Variants in XPR1 observed in about 807,000 individuals in gnomAD.
XPR1 encodes the protein xenotropic and polytropic retrovirus receptor 1.
XPR1 carries 28 observed loss-of-function variants against 87.5 expected under a neutral mutation model. The ratio of observed to expected loss-of-function variants is 0.32; its 90% CI spans 0.24 to 0.44. XPR1 has a LOEUF of 0.44. Ranked by LOEUF, XPR1 falls within the 20% of genes least tolerant of loss-of-function variation. XPR1 has a pLI of 1.00. For synonymous variants in XPR1, 300 were observed against 306.1 expected (o/e 0.98, Z 0.21); for missense variants, 559 against 862.3 (o/e 0.65, Z 4.41).
At chr1:180,710,975 G>T (rs1391111633) in intron 2 of XPR1, among the ~76,000 whole-genome samples, 1 of 151,504 alleles carries the variant, frequency 6.6e-6, no homozygotes, top group South Asian at 2.1e-4. Flanking sequence ...CTTCCCAGAC[G>T]GGGTGGCTGC....
chr1:180,836,382 A>C, intron 10 of XPR1, 140 bp from the exon 11 acceptor site: 1 of 878,686 alleles, frequency 1.1e-6, no homozygotes. Context: ...AATCTTGAGA[A>C]TATAATAGTT....
chr1:180,744,851 C>T (rs1659036160), intron 2 of XPR1, among the ~76,000 whole-genome samples: 1 of 151,712 alleles, frequency 6.6e-6, no homozygotes, highest in Non-Finnish European at 1.5e-5. Flanking sequence ...CGGGGTTTCA[C>T]CGTGTTAGCC....
chr1:180,651,161 A>G (rs2101904178), intron 1 of XPR1, among the ~76,000 whole-genome samples: 1 of 150,016 alleles, frequency 6.7e-6, no homozygotes, highest in Middle Eastern at 3.4e-3. Context: ...GCTGGATCTC[A>G]GCTCACTGCA....
chr1:180,740,362 T>C (rs993195299), intron 2 of XPR1, among the ~76,000 whole-genome samples: 1 of 152,122 alleles, frequency 6.6e-6, no homozygotes, highest in Admixed American at 6.6e-5. Flanking sequence ...TGCTGAGAGA[T>C]TTTATTGTTG....
chr1:180,742,694 G>C (rs1003675258), intron 2 of XPR1, among the ~76,000 whole-genome samples: 1 of 152,052 alleles, frequency 6.6e-6, no homozygotes, highest in Non-Finnish European at 1.5e-5. Context: ...CTGATTTGCT[G>C]TCTACTTATA....
chr1:180,739,926 G>C (rs1364257253), intron 2 of XPR1, among the ~76,000 whole-genome samples: 1 of 151,970 alleles, frequency 6.6e-6, no homozygotes, highest in Non-Finnish European at 1.5e-5. Flanking sequence ...TGGCCAGGCT[G>C]GTCTGGAACT....
In XPR1 at chr1:180,659,193, TCTTCCTTCCTTCCTTC is replaced by T. The variant is rs550840483; in HGVS notation, c.70-23124_70-23109del. Reference sequence around the variant, plus strand: ...ACTAGGGATATTGGCCTGTAGTCAGTCTTCCTTCCTTCCTTCCTTCCTTCCTTCCTTCCTTCCTTCC... The same window carrying T: ...ACTAGGGATATTGGCCTGTAGTCAGTCTTCCTTCCTTCCTTCCTTCCTTCC... On this transcript the variant is annotated intron_variant, in intron 1 of 14. Coordinates refer to ENST00000367590, the MANE Select transcript of XPR1 (RefSeq NM_004736.4). 3.7e-3 allele frequency among the ~76,000 whole-genome samples: 293 copies of T among 79,884 alleles called. 4 individuals are homozygous for T. The highest frequency in any genetic ancestry group is 4.0e-3 in the African/African-American group (73 of 18,452). The allele number at this position is 79,884 out of a possible 152,430, so 52.4% of individuals were successfully genotyped here.
At chr1:180,739,854 T>A (rs1326107249) in intron 2 of XPR1, among the ~76,000 whole-genome samples, 5 of 151,986 alleles carry the variant, frequency 3.3e-5, no homozygotes. Context: ...GATTCTCCCA[T>A]CTTAGCCTCC....
At position 180,727,454 on chromosome 1, in the gene XPR1, G is replaced by A. The variant is rs549718854; in HGVS notation, c.121+45043G>A. Among the ~76,000 whole-genome samples the A allele has an allele frequency of 2.6e-5, 4 of 152,164 alleles. No homozygotes were observed. The South Asian group carries it at 8.3e-4, about 32-fold the overall frequency. ...AGGTCAGGAGTTCGAGACCAGCCTG[G>A]CCAACATGGTGAAACCCTGCCTCTA... On this transcript the variant is annotated intron_variant, in intron 2 of 14. Transcript: ENST00000367590.
intron 1 of XPR1, among the ~76,000 whole-genome samples, chr1:180,667,055 A>G (rs570414078): frequency 6.6e-6 from 1 of 152,190 alleles, no homozygotes; most frequent in African/African-American, 2.4e-5. Context: ...TGCTGGAACT[A>G]CAGGTGCATG....
At position 180,884,230 on chromosome 1, in the gene XPR1, G is replaced by A; in HGVS notation, c.*164G>A. ...CCTATGGACTCCAAACAAGCTCACT[G>A]TGTTTCTTTTCTTTTCTTCTGGTTT... On this transcript the variant is annotated 3_prime_UTR_variant, in exon 15 of 15. Coordinates refer to ENST00000367590, the MANE Select transcript of XPR1 (RefSeq NM_004736.4). The A allele has an allele frequency of 2.0e-6, 1 of 500,910 alleles. No individual in the cohort carries two copies. The highest frequency in any genetic ancestry group is 2.9e-4 in the Middle Eastern group (1 of 3,492). 31.0% of individuals were successfully genotyped at this position (500,910 alleles called of 1,614,324 possible).
At chr1:180,710,452 C>T (rs749979523) in intron 2 of XPR1, among the ~76,000 whole-genome samples, 6 of 152,140 alleles carry the variant, frequency 3.9e-5, no homozygotes, top group African/African-American at 9.7e-5. Context: ...GCACATATTG[C>T]GCCGCCCTTA....
At chr1:180,730,777 C>A (rs984160129) in intron 2 of XPR1, among the ~76,000 whole-genome samples, 2 of 152,194 alleles carry the variant, frequency 1.3e-5, no homozygotes, top group Non-Finnish European at 2.9e-5. Context: ...ATCCTCCCCC[C>A]TCAGCCTCCT....
At chr1:180,827,799 C>G (rs767150080) in intron 9 of XPR1, among the ~76,000 whole-genome samples, 12 of 152,044 alleles carry the variant, frequency 7.9e-5, no homozygotes, top group Admixed American at 1.3e-4. Context: ...AGAATGTGTT[C>G]ACTCTAGTTA....
intron 1 of XPR1, among the ~76,000 whole-genome samples, chr1:180,637,522 G>C (rs1654824282): frequency 6.6e-6 from 1 of 152,096 alleles, no homozygotes; most frequent in African/African-American, 2.4e-5. Flanking sequence ...TTGACAAGAA[G>C]TTCGCCAAAA....
At chr1:180,667,898 A>G (rs1277560332) in intron 1 of XPR1, among the ~76,000 whole-genome samples, 2 of 151,930 alleles carry the variant, frequency 1.3e-5, no homozygotes, top group Non-Finnish European at 2.9e-5. Flanking sequence ...CTCTTTTATA[A>G]TACTTTTTAT....
chr1:180,737,190 C>A (rs1658755779), intron 2 of XPR1, among the ~76,000 whole-genome samples: 1 of 152,102 alleles, frequency 6.6e-6, no homozygotes, highest in South Asian at 2.1e-4. Context: ...GGGTCAAACA[C>A]TAGTCATCAT....
chr1:180,843,625 G>T (rs1365333605), intron 11 of XPR1, among the ~76,000 whole-genome samples: 1 of 149,630 alleles, frequency 6.7e-6, no homozygotes, highest in Non-Finnish European at 1.5e-5. Flanking sequence ...ATCTTAAATT[G>T]CTTTTAAAAT....
intron 2 of XPR1, among the ~76,000 whole-genome samples, chr1:180,744,650 C>CTTTTTT (rs200044209): frequency 3.2e-4 from 18 of 56,954 alleles, no homozygotes; most frequent in African/African-American, 8.8e-4. Flanking sequence ...GGCACAATTT[C>CTTTTTT]TTTCTTTTTT....
Sources: gnomAD v4.1 joint callset for allele counts (sites outside exome capture counted in the v4.1 genomes callset) on GRCh38, gnomAD v4.1.1 for gene constraint, MANE v1.5 for transcripts, NCBI Gene and HGNC (gene_info 2026-07-23, HGNC 2026-07-21) for gene names.